Variants in LRP1B observed in about 807,000 individuals in gnomAD.
LRP1B encodes the protein LDL receptor related protein 1B.
Under a neutral mutation model 556.6 loss-of-function variants are expected in LRP1B, and 217 were observed. That is an observed-to-expected ratio of 0.39 (90% CI 0.35 to 0.44). LRP1B has a LOEUF of 0.44. Among genes scored for constraint, LRP1B ranks in the 20% least tolerant of loss-of-function variants. The pLI, the probability that LRP1B is intolerant of heterozygous loss-of-function variation, is 1.00. For synonymous variants in LRP1B, 2,047 were observed against 1,865.8 expected (o/e 1.10, Z -2.50); for missense variants, 5,053 against 5,620.8 (o/e 0.90, Z 3.23).
At chr2:141,490,338 C>T (rs935228680) in intron 2 of LRP1B, among the ~76,000 whole-genome samples, 24 of 144,582 alleles carry the variant, frequency 1.7e-4, no homozygotes, top group East Asian at 7.2e-4. Flanking sequence ...TTTTAGATCA[C>T]GTCAGAAAAT....
intron 27 of LRP1B, among the ~76,000 whole-genome samples, chr2:140,856,904 C>A (rs965197797): frequency 6.6e-6 from 1 of 152,112 alleles, no homozygotes; most frequent in Non-Finnish European, 1.5e-5. Context: ...ATCTAAAAAT[C>A]TAGAAAGTTA....
At chr2:140,495,404 A>G (rs1282474012) in intron 56 of LRP1B, among the ~76,000 whole-genome samples, 161 bp downstream of exon 56, 1 of 151,996 alleles carries the variant, frequency 6.6e-6, no homozygotes, top group African/African-American at 2.4e-5. Context: ...TGAACAGAGC[A>G]TACAAAATCA....
chr2:140,654,524 AAAG>A (rs1368972622), intron 41 of LRP1B, among the ~76,000 whole-genome samples: 1 of 152,122 alleles, frequency 6.6e-6, no homozygotes, highest in Non-Finnish European at 1.5e-5. Context: ...CTTCTTAAGA[AAAG>A]AAACCATTTA....
At chr2:141,514,243 C>G (rs918413568) in intron 2 of LRP1B, among the ~76,000 whole-genome samples, 10 of 152,154 alleles carry the variant, frequency 6.6e-5, no homozygotes, top group Non-Finnish European at 1.5e-5. Context: ...TTGCTCTAAA[C>G]CTACCAGTTG....
chr2:141,943,878 G>C (rs937749084), intron 1 of LRP1B, among the ~76,000 whole-genome samples: 1 of 152,050 alleles, frequency 6.6e-6, no homozygotes, highest in Non-Finnish European at 1.5e-5. Context: ...AAGGGTGAGG[G>C]GGATGGAATT....
intron 1 of LRP1B, among the ~76,000 whole-genome samples, chr2:142,056,921 CTG>C (rs66595272): frequency 0.47 from 71,613 of 151,688 alleles, 17,607 homozygotes; most frequent in East Asian, 0.68. Context: ...TGTTTATACT[CTG>C]TTACCTTTTC....
At position 141,229,323 on chromosome 2, in the gene LRP1B, G is replaced by A. The variant is rs2105293937; in HGVS notation, c.710C>T (p.Thr237Ile). The A allele has an allele frequency of 6.2e-7, 1 of 1,612,446 alleles. No individual in the cohort carries two copies. The highest frequency in any genetic ancestry group is 8.5e-7 in the Non-Finnish European group (1 of 1,178,814). ...LSSVNGNEIH[T>I]LDFIYNEDMI... ...ATCTTCATTATAAATAAAATCCAGA[G>A]TATGAATTTCATTTCCATTGACTGA... is the stretch of plus-strand genomic sequence containing the variant. Residue 237 changes from threonine to isoleucine, a missense_variant, in exon 6 of 91, where the codon ACT becomes ATT. Transcript: ENST00000389484.
intron 2 of LRP1B, among the ~76,000 whole-genome samples, chr2:141,669,817 C>G (rs1485644252): frequency 6.6e-6 from 1 of 152,048 alleles, no homozygotes; most frequent in Non-Finnish European, 1.5e-5. Context: ...TGCAATGGTG[C>G]GATCTTGGCT....
chr2:141,770,769 G>C (rs932090600), intron 2 of LRP1B, among the ~76,000 whole-genome samples: 1 of 152,190 alleles, frequency 6.6e-6, no homozygotes, highest in Non-Finnish European at 1.5e-5. Context: ...AGGTCGGTGA[G>C]GGAGATTGAA....
intron 9 of LRP1B, among the ~76,000 whole-genome samples, chr2:141,055,802 A>ATGTGTGTGTGTGTGTGTGTGTGTGTGTG (rs10664722): frequency 6.9e-6 from 1 of 145,442 alleles, no homozygotes; most frequent in Non-Finnish European, 1.5e-5. Flanking sequence ...TTACCACAAA[A>ATGTGTGTGTGTGTGTGTGTGTGTGTGTG]TGTGTGTGTG....
At chr2:141,013,875 G>T in intron 13 of LRP1B, 130 bp from the exon 14 acceptor site, 2 of 522,680 alleles carry the variant, frequency 3.8e-6, no homozygotes, top group Non-Finnish European at 6.2e-6. Context: ...TTCTCTGATA[G>T]ATTTAAAAAA....
intron 2 of LRP1B, among the ~76,000 whole-genome samples, chr2:141,634,680 A>G (rs1689039490): frequency 6.6e-6 from 1 of 152,012 alleles, no homozygotes; most frequent in Non-Finnish European, 1.5e-5. Context: ...CATATAACAT[A>G]TACAAAAGAG....
At chr2:141,670,881 G>A (rs1177801927) in intron 2 of LRP1B, among the ~76,000 whole-genome samples, 1 of 152,128 alleles carries the variant, frequency 6.6e-6, no homozygotes, top group African/African-American at 2.4e-5. Flanking sequence ...AACATCTGGA[G>A]TGGTACAATT....
chr2:140,384,544 T>C (rs760890840), intron 67 of LRP1B, among the ~76,000 whole-genome samples: 2 of 152,188 alleles, frequency 1.3e-5, no homozygotes, highest in Non-Finnish European at 2.9e-5. Context: ...GAGGGAGTTA[T>C]AAAAGTTTCT....
At chr2:140,383,580 T>A (rs906302596) in intron 67 of LRP1B, among the ~76,000 whole-genome samples, 1 of 152,140 alleles carries the variant, frequency 6.6e-6, no homozygotes, top group Non-Finnish European at 1.5e-5. Flanking sequence ...ATTATCTAGA[T>A]CCCTGGATCC....
chr2:140,295,701 A>T (rs992717419), intron 84 of LRP1B, among the ~76,000 whole-genome samples: 2 of 152,218 alleles, frequency 1.3e-5, no homozygotes, highest in East Asian at 3.9e-4. Flanking sequence ...ACTAAAAACA[A>T]TATCTAGTTT....
At chr2:141,293,874 C>T (rs191501892) in intron 3 of LRP1B, among the ~76,000 whole-genome samples, 7 of 152,048 alleles carry the variant, frequency 4.6e-5, no homozygotes, top group Admixed American at 4.6e-4. Context: ...AATTTCAAAA[C>T]CAAGTATTAA....
chr2:140,269,456 A>G, intron 86 of LRP1B: 1 of 450,200 alleles, frequency 2.2e-6, no homozygotes, highest in South Asian at 1.6e-5. Flanking sequence ...AATTCATTTC[A>G]TACAGAGATA....
At chr2:141,596,880 T>C (rs750292806) in intron 2 of LRP1B, among the ~76,000 whole-genome samples, 1 of 151,992 alleles carries the variant, frequency 6.6e-6, no homozygotes, top group Non-Finnish European at 1.5e-5. Flanking sequence ...TTTAAATGAA[T>C]CCTAGGTAAA....
Sources: allele counts gnomAD v4.1 joint callset (sites outside exome capture counted in the v4.1 genomes callset), GRCh38; gene constraint gnomAD v4.1.1; transcripts MANE v1.5; gene names NCBI Gene and HGNC (gene_info 2026-07-23, HGNC 2026-07-21).